Variants in CACNB2 observed in about 807,000 individuals in gnomAD.
The protein encoded by CACNB2 is voltage-dependent L-type calcium channel subunit beta-2.
Under a neutral mutation model 73.3 loss-of-function variants are expected in CACNB2, and 42 were observed. The observed-to-expected ratio is 0.57, with a 90% CI of 0.45 to 0.74. The LOEUF (loss-of-function observed/expected upper bound fraction) is 0.74, where lower values mean the gene tolerates loss of function less well. Ranked by LOEUF, CACNB2 falls within the 30% of genes least tolerant of loss-of-function variation. The pLI is 0.00. For missense variants in CACNB2, 940 were observed against 853.0 expected (o/e 1.10, Z -1.27); for synonymous variants, 348 against 310.3 (o/e 1.12, Z -1.28).
At position 18,198,078 on chromosome 10, in the gene CACNB2, T is replaced by C. The variant is rs757945326; in HGVS notation, c.213+47103T>C. On this transcript the variant is annotated intron_variant, in intron 2 of 13. Transcript: ENST00000324631. The stretch of plus-strand genomic sequence containing the variant: ...ATAATAAATGTTAATGTATGTAACA[T>C]ATTAACTTACATAATTAACATGTAA... Among the ~76,000 whole-genome samples, 128 of 148,010 alleles carry C rather than the reference T, an allele frequency of 8.6e-4. 2 individuals carry two copies. Among genetic ancestry groups the C allele is most frequent in the Admixed American group, 6.1e-4 (9 of 14,690 alleles).
chr10:18,498,321 C>T (rs752848720), intron 3 of CACNB2, 34 bp from the exon 4 acceptor site: 7 of 1,613,562 alleles, frequency 4.3e-6, no homozygotes, highest in South Asian at 1.1e-5. Context: ...TTGTTTTGCT[C>T]TTATTTTTTT....
intron 2 of CACNB2, among the ~76,000 whole-genome samples, chr10:18,217,994 A>G (rs1295491505): frequency 3.3e-5 from 5 of 152,136 alleles, no homozygotes; most frequent in African/African-American, 1.2e-4. Context: ...CTTCGGTATA[A>G]TACTGGGTCA....
rs368429430 is a variant in CACNB2, at chr10:18,150,655, C to T, written c.121-228C>T. 2.2e-4 allele frequency among the ~76,000 whole-genome samples: 34 copies of T among 152,206 alleles called. 1 individual carries two copies. The East Asian group carries it at 5.6e-3, about 25-fold the overall frequency. On this transcript the variant is annotated intron_variant, in intron 1 of 13. Coordinates refer to ENST00000324631, the MANE Select transcript of CACNB2 (RefSeq NM_201596.3). ...TCCAGCCTGGCCAGCAAGAGCGAAA[C>T]TCTGTCTCAAAAAAGAAAAGAAAAG...
intron 2 of CACNB2, among the ~76,000 whole-genome samples, chr10:18,196,587 GGATT>G (rs2034636287): frequency 6.6e-6 from 1 of 152,102 alleles, no homozygotes; most frequent in African/African-American, 2.4e-5. Context: ...CGAAGTGATG[GGATT>G]ACAGGTATGA....
chr10:18,401,204 G>T lies in CACNB2; in HGVS notation c.214-720G>T. 2.2e-6 allele frequency: 3 copies of T among 1,342,074 alleles called. No individual in the cohort carries two copies. The South Asian group carries it at 3.6e-5, about 16-fold the overall frequency. The allele number at this position is 1,342,074 out of a possible 1,614,324, so 83.1% of individuals were successfully genotyped here. ...GAGGGTGGTTTGATTTGGTTAATCG[G>T]ATCATGATTGCAGGAGAGGGAAGCT... On this transcript the variant is annotated intron_variant, in intron 2 of 13. Transcript: ENST00000324631.
intron 2 of CACNB2, among the ~76,000 whole-genome samples, chr10:18,398,826 GT>G (rs1035537479): frequency 9.2e-5 from 14 of 152,036 alleles, no homozygotes; most frequent in African/African-American, 3.1e-4. Context: ...GTCACATCCT[GT>G]ATTATAAAAT....
At chr10:18,303,395 C>T (rs1359561696) in intron 2 of CACNB2, among the ~76,000 whole-genome samples, 1 of 152,044 alleles carries the variant, frequency 6.6e-6, no homozygotes, top group Non-Finnish European at 1.5e-5. Context: ...TTCCCAGCCG[C>T]TCAGGGGGCT....
Position 18,500,881 on chromosome 10 carries a change from C to G in CACNB2, c.526C>G (p.Pro176Ala). Residue 176 changes from proline (P) to alanine (A), a missense_variant, in exon 5 of 14, where the codon CCA becomes GCA. Transcript: ENST00000324631. ...EGCEIGFIPS[P>A]VKLENMRLQH... ...CTGTGAAATCGGATTCATTCCAAGC[C>G]CAGTCAAACTAGAAAACATGAGGCT... 1 of 1,613,846 alleles carries G rather than the reference C, an allele frequency of 6.2e-7. No homozygotes were observed. Among genetic ancestry groups the G allele is most frequent in the South Asian group, 1.1e-5 (1 of 91,072 alleles).
chr10:18,175,166 A>G (rs1189812020), intron 2 of CACNB2, among the ~76,000 whole-genome samples: 2 of 152,160 alleles, frequency 1.3e-5, no homozygotes, highest in African/African-American at 4.8e-5. Context: ...GTTAGAAACA[A>G]TATAATTATG....
At chr10:18,428,406 GC>G (rs1332841795) in intron 3 of CACNB2, among the ~76,000 whole-genome samples, 1 of 151,988 alleles carries the variant, frequency 6.6e-6, no homozygotes, top group Non-Finnish European at 1.5e-5. Flanking sequence ...TTACTTTCTG[GC>G]CAGGCATGGT....
intron 1 of CACNB2, among the ~76,000 whole-genome samples, chr10:18,141,368 G>C (rs981882982): frequency 6.6e-6 from 1 of 152,182 alleles, no homozygotes; most frequent in Admixed American, 6.5e-5. Flanking sequence ...GTGCCCTGCC[G>C]GATCCCCCCA....
chr10:18,228,000 A>G (rs2036065091), intron 2 of CACNB2, among the ~76,000 whole-genome samples: 1 of 152,192 alleles, frequency 6.6e-6, no homozygotes, highest in African/African-American at 2.4e-5. Flanking sequence ...GAGGAAAAAA[A>G]AATTTGCAGT....
intron 2 of CACNB2, among the ~76,000 whole-genome samples, chr10:18,392,964 T>G (rs1409639566): frequency 6.6e-6 from 1 of 152,168 alleles, no homozygotes; most frequent in Admixed American, 6.5e-5. Flanking sequence ...ATCCCAGCAC[T>G]TTGGGAGGCC....
chr10:18,479,682 C>G (rs1007342869), intron 3 of CACNB2, among the ~76,000 whole-genome samples: 5 of 130,820 alleles, frequency 3.8e-5, no homozygotes, highest in Non-Finnish European at 6.7e-5. Context: ...TTTAAAAGTG[C>G]GTGTGTCTCT....
chr10:18,403,678 A>G (rs886084893), intron 3 of CACNB2, among the ~76,000 whole-genome samples: 9 of 152,222 alleles, frequency 5.9e-5, no homozygotes, highest in African/African-American at 2.4e-5. Flanking sequence ...ATGGATCGAA[A>G]TGTTGCTCCT....
intron 2 of CACNB2, among the ~76,000 whole-genome samples, chr10:18,202,079 G>T (rs545977902): frequency 2.1e-4 from 32 of 152,276 alleles, no homozygotes; most frequent in African/African-American, 7.2e-4. Flanking sequence ...TTAATAGACA[G>T]TTCCCTATTT....
rs181351660 is a variant in CACNB2 at position 18,501,474 on chromosome 10, C to T, written c.593+526C>T. Among the ~76,000 whole-genome samples, 47 of 152,356 alleles carry T rather than the reference C, an allele frequency of 3.1e-4. 1 individual carries two copies. The highest frequency in any genetic ancestry group is 1.5e-4 in the Non-Finnish European group (10 of 68,046). ...ATGAAACAAGTTAAAACTGCCTGTGCAGATGGCAATTAGATGAGTTATGTA... is the reference window on the plus strand; with the variant it reads ...ATGAAACAAGTTAAAACTGCCTGTGTAGATGGCAATTAGATGAGTTATGTA... On this transcript the variant is annotated intron_variant, in intron 5 of 13. Transcript: ENST00000324631.
At chr10:18,308,293 C>G (rs777414141) in intron 2 of CACNB2, among the ~76,000 whole-genome samples, 4 of 152,144 alleles carry the variant, frequency 2.6e-5, no homozygotes, top group Non-Finnish European at 5.9e-5. Flanking sequence ...CACGCCCAAG[C>G]TTTACCAACA....
chr10:18,510,656 T>C (rs1482795596), intron 6 of CACNB2, among the ~76,000 whole-genome samples: 1 of 152,188 alleles, frequency 6.6e-6, no homozygotes, highest in East Asian at 1.9e-4. Flanking sequence ...CAGGCTAGAT[T>C]CAATGGGCAA....
Sources: allele counts gnomAD v4.1 joint callset (sites outside exome capture counted in the v4.1 genomes callset), GRCh38; gene constraint gnomAD v4.1.1; transcripts MANE v1.5; gene names NCBI Gene and HGNC (gene_info 2026-07-23, HGNC 2026-07-21).